L3MBTL3: variants seen among roughly 807,000 people sequenced by gnomAD.
L3MBTL3 encodes lethal(3)malignant brain tumor-like protein 3.
L3MBTL3 carries 27 observed loss-of-function variants against 102.3 expected under a neutral mutation model. The observed-to-expected ratio is 0.26, with a 90% CI of 0.19 to 0.36. The LOEUF (loss-of-function observed/expected upper bound fraction) is 0.36, where lower values mean the gene tolerates loss of function less well. Ranked by LOEUF, L3MBTL3 falls within the 10% of genes least tolerant of loss-of-function variation. The pLI is 1.00. For missense variants in L3MBTL3, 798 were observed against 955.3 expected, an observed-to-expected ratio of 0.84 and a Z score of 2.17; for synonymous variants, 340 against 320.9, an observed-to-expected ratio of 1.06 and a Z score of -0.64.
chr6:130,089,846 A>AT (rs1783928800), intron 16 of L3MBTL3, among the ~76,000 whole-genome samples: 1 of 151,686 alleles, frequency 6.6e-6, no homozygotes, highest in South Asian at 2.1e-4. Flanking sequence ...CAGCAAAAAA[A>AT]AAAAACTACC....
At chr6:130,104,343 A>G in intron 18 of L3MBTL3, 83 bp from the exon 19 acceptor site, 1 of 978,578 alleles carries the variant, frequency 1.0e-6, no homozygotes, top group Non-Finnish European at 1.4e-6. Context: ...TATATTCTGT[A>G]TCCTGTCATT....
At chr6:130,074,207 A>C (rs1317802350) in intron 13 of L3MBTL3, among the ~76,000 whole-genome samples, 1 of 152,192 alleles carries the variant, frequency 6.6e-6, no homozygotes, top group Non-Finnish European at 1.5e-5. Flanking sequence ...GGAATTTGAA[A>C]ATATATATGT....
rs747980992 is a variant in L3MBTL3 at position 130,057,502 on chromosome 6, G to A, written c.759+5G>A. The A allele has an allele frequency of 8.1e-6, 13 of 1,601,518 alleles. No homozygotes were observed. In the East Asian group the frequency reaches 1.8e-4, roughly 22 times the overall value. ...CCGGCGAAGCTGTTCAAGGAGGTAC[G>A]GGCCCTTCTAGAGACGTGATCTGTA... is the stretch of plus-strand genomic sequence containing the variant. On this transcript the variant is annotated splice_donor_5th_base_variant and intron_variant, in intron 9 of 22. Coordinates refer to ENST00000361794, the MANE Select transcript of L3MBTL3 (RefSeq NM_032438.4).
At chr6:130,061,637 T>C (rs1159440356) in intron 10 of L3MBTL3, among the ~76,000 whole-genome samples, 2 of 152,220 alleles carry the variant, frequency 1.3e-5, no homozygotes, top group Non-Finnish European at 2.9e-5. Context: ...TGTTCTCTCC[T>C]TCCTGGACTC....
At chr6:130,036,105 T>A (rs931680651) in intron 2 of L3MBTL3, among the ~76,000 whole-genome samples, 1 of 151,916 alleles carries the variant, frequency 6.6e-6, no homozygotes, top group African/African-American at 2.4e-5. Context: ...CTGAAAAAAT[T>A]TACCGAGTCT....
intron 2 of L3MBTL3, among the ~76,000 whole-genome samples, chr6:130,037,850 CT>C (rs1433839974): frequency 6.6e-6 from 1 of 152,126 alleles, no homozygotes; most frequent in Non-Finnish European, 1.5e-5. Flanking sequence ...TATTCACCCC[CT>C]GTGCTATAGA....
chr6:130,090,277 T>C (rs1783961681), intron 16 of L3MBTL3, among the ~76,000 whole-genome samples: 1 of 152,186 alleles, frequency 6.6e-6, no homozygotes. Flanking sequence ...AGTCTCCTGA[T>C]GATGGGCACT....
At chr6:130,063,449 G>A (rs1339138953) in intron 10 of L3MBTL3, among the ~76,000 whole-genome samples, 2 of 152,096 alleles carry the variant, frequency 1.3e-5, no homozygotes, top group African/African-American at 2.4e-5. Context: ...GTTGATTTTT[G>A]TTGGTCCATT....
At chr6:130,028,044 G>A (rs1779465966) in intron 2 of L3MBTL3, among the ~76,000 whole-genome samples, 1 of 150,482 alleles carries the variant, frequency 6.6e-6, no homozygotes, top group Non-Finnish European at 1.5e-5. Context: ...GCCCATTAAT[G>A]TCAGTTTGTG....
At chr6:130,118,320 A>G (rs1335332924) in intron 19 of L3MBTL3, among the ~76,000 whole-genome samples, 1 of 152,230 alleles carries the variant, frequency 6.6e-6, no homozygotes, top group Non-Finnish European at 1.5e-5. Flanking sequence ...GTTATAAAAT[A>G]TGGGGCATGT....
At chr6:130,019,043 G>A (rs1778743829) in intron 1 of L3MBTL3, among the ~76,000 whole-genome samples, 1 of 151,832 alleles carries the variant, frequency 6.6e-6, no homozygotes. Context: ...TTTTCTTTGC[G>A]CGCACACGGG....
At chr6:130,084,947 A>C (rs1294470223) in intron 15 of L3MBTL3, among the ~76,000 whole-genome samples, 1 of 152,160 alleles carries the variant, frequency 6.6e-6, no homozygotes, top group East Asian at 1.9e-4. Flanking sequence ...CTCCCACCTC[A>C]GCTTCCTGAG....
intron 13 of L3MBTL3, among the ~76,000 whole-genome samples, chr6:130,074,709 G>T (rs551496829): frequency 2.6e-5 from 4 of 152,298 alleles, no homozygotes; most frequent in Admixed American, 1.3e-4. Flanking sequence ...GATCCAGGAA[G>T]GATTGACAAC....
chr6:130,131,423 G>T (rs1787020837), intron 20 of L3MBTL3, among the ~76,000 whole-genome samples: 1 of 152,174 alleles, frequency 6.6e-6, no homozygotes, highest in South Asian at 2.1e-4. Context: ...AAGCTGACAG[G>T]ATTTACCAAA....
At chr6:130,065,305 G>A (rs928669388) in intron 10 of L3MBTL3, among the ~76,000 whole-genome samples, 1 of 151,972 alleles carries the variant, frequency 6.6e-6, no homozygotes, top group Non-Finnish European at 1.5e-5. Flanking sequence ...ATGCATATGT[G>A]TGTATATTAA....
intron 13 of L3MBTL3, among the ~76,000 whole-genome samples, chr6:130,072,003 C>T (rs9492441): frequency 0.25 from 38,245 of 151,912 alleles, 5,245 homozygotes; most frequent in African/African-American, 0.32. Flanking sequence ...ATGTTACCTA[C>T]GCTTTTTGCA....
rs1394616366 is a variant in L3MBTL3 at position 130,066,429 on chromosome 6, T to C, written c.941T>C (p.Leu314Pro). ...CYDFWVNADA[L>P]DIHPVGWCEK... The stretch of plus-strand genomic sequence containing the variant: ...GACTTCTGGGTGAATGCAGACGCTC[T>C]GGATATCCACCCAGTTGGGTGGTGT... The change falls in exon 11 of 23, where the codon CTG (leucine) becomes CCG (proline). Residue 314 changes from leucine to proline, a missense_variant. Leu to Pro is a moderately conservative substitution (Grantham distance 98, BLOSUM62 -3). Coordinates refer to ENST00000361794, the MANE Select transcript of L3MBTL3 (RefSeq NM_032438.4). The C allele has an allele frequency of 1.2e-6, 2 of 1,612,818 alleles. No individual in the cohort carries two copies. Among genetic ancestry groups the C allele is most frequent in the Non-Finnish European group, 1.7e-6 (2 of 1,179,316 alleles).
chr6:130,131,055 A>C (rs2076130680), intron 20 of L3MBTL3, among the ~76,000 whole-genome samples: 1 of 152,238 alleles, frequency 6.6e-6, no homozygotes, highest in East Asian at 1.9e-4. Flanking sequence ...TCTCTACCTG[A>C]AAATGACAAA....
chr6:130,102,753 A>G (rs995472733), intron 18 of L3MBTL3, among the ~76,000 whole-genome samples: 1 of 152,140 alleles, frequency 6.6e-6, no homozygotes, highest in African/African-American at 2.4e-5. Flanking sequence ...CTTCCTGACC[A>G]TTACAGCTCT....
Sources: allele counts gnomAD v4.1 joint callset (sites outside exome capture counted in the v4.1 genomes callset), GRCh38; gene constraint gnomAD v4.1.1; transcripts MANE v1.5; gene names NCBI Gene and HGNC (gene_info 2026-07-23, HGNC 2026-07-21).